SENP1: variants seen among roughly 807,000 people sequenced by gnomAD.
The protein encoded by SENP1 is sentrin-specific protease 1.
In SENP1, 21 loss-of-function variants were observed where a neutral mutation model predicts 93.0. That is an observed-to-expected ratio of 0.23 (90% CI 0.16 to 0.33). The LOEUF (loss-of-function observed/expected upper bound fraction) is 0.33, where lower values mean the gene tolerates loss of function less well. SENP1 is among the 10% of genes least tolerant of loss of function. The pLI, the probability that SENP1 is intolerant of heterozygous loss-of-function variation, is 1.00. For synonymous variants in SENP1, 256 were observed against 259.6 expected, an observed-to-expected ratio of 0.99 and a Z score of 0.13; for missense variants, 591 against 758.7, an observed-to-expected ratio of 0.78 and a Z score of 2.60.
At chr12:48,097,871 A>T in intron 3 of SENP1, 123 bp downstream of exon 3, 1 of 866,818 alleles carries the variant, frequency 1.2e-6, no homozygotes, top group Non-Finnish European at 1.7e-6. Context: ...CACTAAAATT[A>T]CTGATTCTAA....
Position 48,068,809 on chromosome 12 carries a change from C to A in SENP1, c.996-1844G>T, listed in dbSNP as rs143708382. ...AAAAACTAACATTATCTGGCAAAGT[C>A]AAAGAAATCTTCTGAGAAAAAAAAA... On this transcript the variant is annotated intron_variant, in intron 9 of 17. Coordinates refer to ENST00000549518, the MANE Select transcript of SENP1 (RefSeq NM_001267594.2). 5.9e-4 allele frequency among the ~76,000 whole-genome samples: 89 copies of A among 151,338 alleles called. No homozygotes were observed. In the East Asian group the frequency reaches 0.017, roughly 29 times the overall value.
chr12:48,104,337 G>C (rs1946280662), intron 1 of SENP1, among the ~76,000 whole-genome samples: 1 of 142,798 alleles, frequency 7.0e-6, no homozygotes, highest in Non-Finnish European at 1.5e-5. Flanking sequence ...CCAAGATGTG[G>C]TTAGAACAAT....
At position 48,065,038 on chromosome 12, in the gene SENP1, T is replaced by C. The variant is rs750622021; in HGVS notation, c.1275+27A>G. The C allele has an allele frequency of 4.2e-6, 6 of 1,439,158 alleles. No individual in the cohort carries two copies. The African/African-American group carries it at 4.2e-5, about 10-fold the overall frequency. The allele number at this position is 1,439,158 out of a possible 1,614,324, so 89.1% of individuals were successfully genotyped here. Reference sequence around the variant, plus strand: ...TCTTTCTAAACATGATACTTAGTAGTGTAGAAATTAAGTGTATGTAACTTA... The same window carrying C: ...TCTTTCTAAACATGATACTTAGTAGCGTAGAAATTAAGTGTATGTAACTTA... On this transcript the variant is annotated intron_variant, in intron 12 of 17. Coordinates refer to ENST00000549518, the MANE Select transcript of SENP1 (RefSeq NM_001267594.2).
At chr12:48,083,020 T>C (rs1361034109) in intron 6 of SENP1, among the ~76,000 whole-genome samples, 2 of 152,208 alleles carry the variant, frequency 1.3e-5, no homozygotes, top group Non-Finnish European at 2.9e-5. Flanking sequence ...TCCTCCCACC[T>C]CAGCCTCGCC....
intron 13 of SENP1, among the ~76,000 whole-genome samples, chr12:48,056,606 T>TATATTAC (rs1361615885): frequency 5.1e-5 from 3 of 58,794 alleles, no homozygotes; most frequent in South Asian, 8.3e-4. Flanking sequence ...TATTATTTAA[T>TATATTAC]ATATTACATA....
At chr12:48,056,155 T>A (rs181649284) in intron 13 of SENP1, among the ~76,000 whole-genome samples, 14 of 32,134 alleles carry the variant, frequency 4.4e-4, no homozygotes, top group Non-Finnish European at 6.8e-4. Context: ...TATTATTTAA[T>A]ATATAGTATA....
chr12:48,048,900 A>G (rs369929930), intron 14 of SENP1, 29 bp downstream of exon 14: 34 of 1,564,984 alleles, frequency 2.2e-5, no homozygotes, highest in Non-Finnish European at 2.8e-5. Flanking sequence ...TAGCTTTTAC[A>G]TTTTATCAAA....
At chr12:48,087,087 G>A (rs981921464) in intron 5 of SENP1, among the ~76,000 whole-genome samples, 1 of 151,750 alleles carries the variant, frequency 6.6e-6, no homozygotes, top group Non-Finnish European at 1.5e-5. Flanking sequence ...AACAAAAAAA[G>A]GCTGTTCTAG....
chr12:48,058,958 C>A (rs1942777867), intron 13 of SENP1, among the ~76,000 whole-genome samples: 1 of 152,172 alleles, frequency 6.6e-6, no homozygotes, highest in South Asian at 2.1e-4. Context: ...GCTACATTGT[C>A]TTCTGGCCTG....
rs779609176 is a variant in SENP1 at position 48,065,206 on chromosome 12, C to T, written c.1134G>A (p.Arg378=). 1.3e-6 allele frequency: 2 copies of T among 1,599,912 alleles called. No homozygotes were observed. Among genetic ancestry groups the T allele is most frequent in the South Asian group, 1.1e-5 (1 of 89,708 alleles). ...LQLQNQRLQE[R]EHSVHDSVEL... ...CTACTGAATCATGTACTGAATGTTC[C>T]CGCTCCTGCAATCTCTGAAAGATAA... The change falls in exon 12 of 18, where the codon CGG becomes CGA. Residue 378 remains arginine, a synonymous_variant. Transcript: ENST00000549518.
chr12:48,096,156 G>A (rs1016041595), intron 4 of SENP1, among the ~76,000 whole-genome samples, 187 bp downstream of exon 4: 1 of 152,164 alleles, frequency 6.6e-6, no homozygotes, highest in African/African-American at 2.4e-5. Flanking sequence ...ATTTGGATGA[G>A]ACAAAATCAG....
chr12:48,071,477 G>A (rs544202155), intron 9 of SENP1, among the ~76,000 whole-genome samples, 190 bp downstream of exon 9: 7 of 152,186 alleles, frequency 4.6e-5, no homozygotes, highest in East Asian at 1.9e-4. Context: ...TTAGCTGGGC[G>A]TGGTGGCGGG....
rs555812273 is a variant in SENP1 at position 48,102,443 on chromosome 12, A to C, written c.-44-927T>G. Among the ~76,000 whole-genome samples, 34 of 150,370 alleles carry C rather than the reference A, an allele frequency of 2.3e-4. No homozygotes were observed. The East Asian group carries it at 4.9e-3, about 22-fold the overall frequency. On this transcript the variant is annotated intron_variant, in intron 1 of 17. Coordinates refer to ENST00000549518, the MANE Select transcript of SENP1 (RefSeq NM_001267594.2). Reference sequence around the variant, plus strand: ...CAAGACTCTGTCTCAAAAAAAAAAAAAAAAAAAAAAACCAAACACAAAAAC... The same window carrying C: ...CAAGACTCTGTCTCAAAAAAAAAAACAAAAAAAAAAACCAAACACAAAAAC...
chr12:48,056,814 A>G (rs1333798747), intron 13 of SENP1, among the ~76,000 whole-genome samples: 1 of 65,464 alleles, frequency 1.5e-5, no homozygotes, highest in African/African-American at 6.5e-5. Flanking sequence ...TACATATTAC[A>G]TATATAAATA....
intron 6 of SENP1, among the ~76,000 whole-genome samples, chr12:48,078,334 T>TATATATATATATATATATATATATACAC: frequency 5.9e-4 from 40 of 67,874 alleles, no homozygotes; most frequent in Non-Finnish European, 6.9e-4. Context: ...TATATATATA[T>TATATATATATATATATATATATATACAC]ACACACACAT....
chr12:48,089,162 C>T, intron 4 of SENP1: 1 of 1,553,336 alleles, frequency 6.4e-7, no homozygotes. Flanking sequence ...GCCATACTAA[C>T]CTGAAAATTG....
At chr12:48,065,733 A>G in intron 10 of SENP1, 53 bp from the exon 11 acceptor site, 2 of 1,138,138 alleles carry the variant, frequency 1.8e-6, no homozygotes, top group Non-Finnish European at 2.6e-6. Context: ...ATTATGAAAC[A>G]TATTGTTGAT....
intron 15 of SENP1, among the ~76,000 whole-genome samples, chr12:48,047,784 T>A (rs1941482743): frequency 6.6e-6 from 1 of 152,230 alleles, no homozygotes; most frequent in South Asian, 2.1e-4. Flanking sequence ...ATATCTAGTC[T>A]ACATTTTAGT....
intron 6 of SENP1, among the ~76,000 whole-genome samples, chr12:48,076,520 C>T: frequency 6.6e-6 from 1 of 151,830 alleles, no homozygotes; most frequent in Non-Finnish European, 1.5e-5. Flanking sequence ...TTAGTACAGA[C>T]AGGGTTTCAC....
Sources: allele counts gnomAD v4.1 joint callset (sites outside exome capture counted in the v4.1 genomes callset), GRCh38; gene constraint gnomAD v4.1.1; transcripts MANE v1.5; gene names NCBI Gene and HGNC (gene_info 2026-07-23, HGNC 2026-07-21).